ST6GALNAC3: variants seen among roughly 807,000 people sequenced by gnomAD.
ST6GALNAC3 encodes the protein alpha-N-acetylgalactosaminide alpha-2,6-sialyltransferase 3.
ST6GALNAC3 carries 25 observed loss-of-function variants against 32.7 expected under a neutral mutation model. The observed-to-expected ratio is 0.76, with a 90% CI of 0.56 to 1.07. The LOEUF is 1.07. ST6GALNAC3 is among the 50% of genes least tolerant of loss of function. The pLI, the probability that ST6GALNAC3 is intolerant of heterozygous loss-of-function variation, is 0.00. For synonymous variants in ST6GALNAC3, 129 were observed against 133.1 expected, an observed-to-expected ratio of 0.97 and a Z score of 0.21; for missense variants, 355 against 382.4, an observed-to-expected ratio of 0.93 and a Z score of 0.60.
chr1:76,476,450 CAGTA>C (rs1659360942), intron 3 of ST6GALNAC3, among the ~76,000 whole-genome samples: 1 of 152,038 alleles, frequency 6.6e-6, no homozygotes, highest in Non-Finnish European at 1.5e-5. Flanking sequence ...GTGCTTATGC[CAGTA>C]AGTATTTTTT....
chr1:76,628,623 A>G lies in ST6GALNAC3; in HGVS notation c.735A>G (p.Thr245=). The G allele has an allele frequency of 6.3e-7, 1 of 1,595,622 alleles. No individual in the cohort carries two copies. Among genetic ancestry groups the G allele is most frequent in the Non-Finnish European group, 8.5e-7 (1 of 1,174,806 alleles). The change falls in exon 5 of 5, where the codon ACA becomes ACG. Residue 245 remains threonine (T), a synonymous_variant. Transcript: ENST00000328299. ...YGMINDTYCK[T]EGYRKVPYHY... ...TTTCTTTTTTTTTCTTTTCTAGGAC[A>G]GAAGGGTATAGAAAAGTCCCCTACC...
At chr1:76,165,129 A>G (rs148853472) in intron 1 of ST6GALNAC3, among the ~76,000 whole-genome samples, 17 of 152,220 alleles carry the variant, frequency 1.1e-4, no homozygotes, top group African/African-American at 4.1e-4. Flanking sequence ...TATTAAGCCT[A>G]GTACCTGTTA....
intron 1 of ST6GALNAC3, among the ~76,000 whole-genome samples, chr1:76,311,281 CT>C (rs1218400446): frequency 1.3e-5 from 1 of 78,510 alleles, no homozygotes; most frequent in East Asian, 3.2e-4. Context: ...CCTTTTTTTT[CT>C]TTTTTAAAAA....
intron 3 of ST6GALNAC3, among the ~76,000 whole-genome samples, chr1:76,506,954 A>G (rs2101742996): frequency 6.6e-6 from 1 of 152,358 alleles, no homozygotes; most frequent in African/African-American, 2.4e-5. Context: ...TTCTTTGGGA[A>G]CAATGAAAAG....
intron 3 of ST6GALNAC3, among the ~76,000 whole-genome samples, chr1:76,553,905 A>G (rs1405729301): frequency 6.6e-6 from 1 of 152,200 alleles, no homozygotes; most frequent in Non-Finnish European, 1.5e-5. Context: ...ACACTCACGT[A>G]TTCATACAAT....
chr1:76,567,474 G>A (rs1665621400), intron 3 of ST6GALNAC3, among the ~76,000 whole-genome samples: 2 of 152,084 alleles, frequency 1.3e-5, no homozygotes, highest in African/African-American at 4.8e-5. Context: ...TCTAAATGAA[G>A]TACTAAAACT....
At chr1:76,439,777 G>A (rs572229259) in intron 3 of ST6GALNAC3, among the ~76,000 whole-genome samples, 2 of 152,296 alleles carry the variant, frequency 1.3e-5, no homozygotes, top group South Asian at 4.1e-4. Flanking sequence ...TCACACACCA[G>A]ACTGAACAAG....
intron 1 of ST6GALNAC3, among the ~76,000 whole-genome samples, chr1:76,162,604 G>A (rs1194474859): frequency 6.6e-6 from 1 of 152,196 alleles, no homozygotes; most frequent in Non-Finnish European, 1.5e-5. Context: ...GTGGATGCCT[G>A]GTTAAGACAA....
chr1:76,371,706 C>T (rs943236350), intron 2 of ST6GALNAC3, among the ~76,000 whole-genome samples: 2 of 152,130 alleles, frequency 1.3e-5, no homozygotes, highest in African/African-American at 4.8e-5. Flanking sequence ...TTTTATGCTT[C>T]CTGTTCTGGT....
At chr1:76,262,787 C>A (rs1445111105) in intron 1 of ST6GALNAC3, among the ~76,000 whole-genome samples, 1 of 152,190 alleles carries the variant, frequency 6.6e-6, no homozygotes, top group Non-Finnish European at 1.5e-5. Flanking sequence ...CAGGATGGAT[C>A]TGTCCCTGGA....
Position 76,191,619 on chromosome 1 carries a change from C to G in ST6GALNAC3, c.18+116735C>G, listed in dbSNP as rs372294557. On this transcript the variant is annotated intron_variant, in intron 1 of 4. Coordinates refer to ENST00000328299, the MANE Select transcript of ST6GALNAC3 (RefSeq NM_152996.4). The stretch of plus-strand genomic sequence containing the variant: ...ACCATTATACAACATATATATGTAT[C>G]AAAACATCAATTGTACCCCATAAAT... 1.7e-4 allele frequency among the ~76,000 whole-genome samples: 26 copies of G among 152,114 alleles called. No homozygotes were observed. The East Asian group carries it at 4.8e-3, about 28-fold the overall frequency.
chr1:76,224,770 G>T (rs1655974154), intron 1 of ST6GALNAC3, among the ~76,000 whole-genome samples: 1 of 152,144 alleles, frequency 6.6e-6, no homozygotes, highest in South Asian at 2.1e-4. Flanking sequence ...CCATGGTAAG[G>T]TAGCCTTTGT....
intron 3 of ST6GALNAC3, among the ~76,000 whole-genome samples, chr1:76,546,294 A>G (rs1570209138): frequency 6.6e-6 from 1 of 152,220 alleles, no homozygotes; most frequent in African/African-American, 2.4e-5. Flanking sequence ...AATTGGCTGG[A>G]AAAATTCCAG....
chr1:76,083,763 T>C (rs781550806), intron 1 of ST6GALNAC3, among the ~76,000 whole-genome samples: 14 of 152,322 alleles, frequency 9.2e-5, no homozygotes, highest in Non-Finnish European at 1.3e-4. Flanking sequence ...ATTAATGAGA[T>C]ATTTATATCT....
intron 1 of ST6GALNAC3, among the ~76,000 whole-genome samples, chr1:76,171,172 A>G (rs1652472542): frequency 1.3e-5 from 2 of 151,888 alleles, no homozygotes; most frequent in South Asian, 2.1e-4. Flanking sequence ...GCTACAACTC[A>G]GTCTTGCAAA....
intron 1 of ST6GALNAC3, among the ~76,000 whole-genome samples, chr1:76,273,014 A>G (rs1365477967): frequency 6.6e-6 from 1 of 152,218 alleles, no homozygotes; most frequent in African/African-American, 2.4e-5. Flanking sequence ...GGGGTCATTC[A>G]TAGTCGTGCA....
intron 1 of ST6GALNAC3, among the ~76,000 whole-genome samples, chr1:76,200,354 C>G (rs1235888341): frequency 6.6e-6 from 1 of 152,108 alleles, no homozygotes; most frequent in East Asian, 1.9e-4. Flanking sequence ...GAAAGAATTC[C>G]CAGTCATTCC....
intron 1 of ST6GALNAC3, among the ~76,000 whole-genome samples, chr1:76,104,589 T>C (rs1424046642): frequency 6.7e-6 from 1 of 150,010 alleles, no homozygotes; most frequent in Non-Finnish European, 1.5e-5. Flanking sequence ...ACTTCTTCCT[T>C]CCCTTGATCC....
At chr1:76,488,665 C>G (rs1008886042) in intron 3 of ST6GALNAC3, among the ~76,000 whole-genome samples, 1 of 152,124 alleles carries the variant, frequency 6.6e-6, no homozygotes, top group Admixed American at 6.6e-5. Flanking sequence ...GCCCTTTGAC[C>G]CCCACTAGTC....
Sources: gnomAD v4.1 joint callset for allele counts (sites outside exome capture counted in the v4.1 genomes callset) on GRCh38, gnomAD v4.1.1 for gene constraint, MANE v1.5 for transcripts, NCBI Gene and HGNC (gene_info 2026-07-23, HGNC 2026-07-21) for gene names.